Variants in STXBP5L observed in about 807,000 individuals in gnomAD.
STXBP5L encodes the protein syntaxin-binding protein 5-like.
In STXBP5L, 65 loss-of-function variants were observed where a neutral mutation model predicts 144.5. The observed-to-expected ratio is 0.45, with a 90% CI of 0.37 to 0.55. STXBP5L has a LOEUF of 0.55. STXBP5L is among the 20% of genes least tolerant of loss of function. The pLI is 0.00. For missense variants in STXBP5L, 1,298 were observed against 1,405.5 expected (o/e 0.92, Z 1.22); for synonymous variants, 505 against 469.6 (o/e 1.08, Z -0.97).
intron 3 of STXBP5L, among the ~76,000 whole-genome samples, chr3:120,976,385 G>A (rs953032796): frequency 6.6e-6 from 1 of 152,052 alleles, no homozygotes; most frequent in Admixed American, 6.6e-5. Flanking sequence ...GGGATTGGTG[G>A]TGATATCCCC....
chr3:121,093,714 A>C (rs1227893392), intron 5 of STXBP5L, among the ~76,000 whole-genome samples: 1 of 152,022 alleles, frequency 6.6e-6, no homozygotes, highest in Non-Finnish European at 1.5e-5. Context: ...TGATCCTTTC[A>C]AAAAACCAGC....
At chr3:121,381,781 G>C (rs543578137) in intron 22 of STXBP5L, among the ~76,000 whole-genome samples, 1 of 152,126 alleles carries the variant, frequency 6.6e-6, no homozygotes, top group East Asian at 1.9e-4. Flanking sequence ...ACAATGACAT[G>C]GGAAATAAGT....
At position 121,195,794 on chromosome 3, in the gene STXBP5L, A is replaced by C. The variant is rs567884374; in HGVS notation, c.878-10129A>C. On this transcript the variant is annotated intron_variant, in intron 9 of 26. Transcript: ENST00000471454. ...CTTTCCAATCCCTAATGATGCCATT[A>C]GGATGGGAGAATGGTGGAACCTGCA... is the stretch of plus-strand genomic sequence containing the variant. Among the ~76,000 whole-genome samples the C allele has an allele frequency of 6.2e-4, 95 of 152,294 alleles. 1 individual carries two copies. The South Asian group carries it at 0.019, about 30-fold the overall frequency.
At chr3:121,162,202 A>G (rs2046346126) in intron 9 of STXBP5L, among the ~76,000 whole-genome samples, 1 of 152,200 alleles carries the variant, frequency 6.6e-6, no homozygotes, top group African/African-American at 2.4e-5. Context: ...TATCATATGT[A>G]TGCATACTAA....
In STXBP5L at chr3:121,378,752, A is replaced by T; in HGVS notation, c.2213A>T (p.Gln738Leu). 2 of 1,613,710 alleles carry T rather than the reference A, an allele frequency of 1.2e-6. No individual in the cohort carries two copies. The highest frequency in any genetic ancestry group is 1.7e-6 in the Non-Finnish European group (2 of 1,179,808). The change falls in exon 21 of 27, where the codon CAG (glutamine) becomes CTG (leucine). Residue 738 changes from glutamine to leucine, a missense_variant. Coordinates refer to ENST00000471454, the MANE Select transcript of STXBP5L (RefSeq NM_001308330.2). ...VNGHCTSPTSQSCSSGKRLSS... is the reference protein window; with the variant it reads ...VNGHCTSPTSLSCSSGKRLSS... Reference sequence around the variant, plus strand: ...GGACACTGCACAAGTCCAACTTCTCAGAGTTGCAGTTCTGGAAAACGTCTT... The same window carrying T: ...GGACACTGCACAAGTCCAACTTCTCTGAGTTGCAGTTCTGGAAAACGTCTT...
At chr3:120,914,761 A>T (rs537703534) in intron 2 of STXBP5L, among the ~76,000 whole-genome samples, 4 of 152,300 alleles carry the variant, frequency 2.6e-5, no homozygotes, top group African/African-American at 9.6e-5. Flanking sequence ...CCTGTCACCA[A>T]AAAGCACAGT....
At chr3:121,155,691 A>G (rs765901281) in intron 8 of STXBP5L, among the ~76,000 whole-genome samples, 7 of 151,826 alleles carry the variant, frequency 4.6e-5, no homozygotes, top group Non-Finnish European at 1.0e-4. Flanking sequence ...ATATTTATCC[A>G]TCAAGTTAGA....
At chr3:120,932,828 A>G (rs1348104844) in intron 2 of STXBP5L, among the ~76,000 whole-genome samples, 1 of 152,132 alleles carries the variant, frequency 6.6e-6, no homozygotes, top group Non-Finnish European at 1.5e-5. Flanking sequence ...CTGGATTAAG[A>G]AAATGTGGCA....
intron 20 of STXBP5L, among the ~76,000 whole-genome samples, chr3:121,347,109 C>T (rs2045025205): frequency 2.0e-5 from 3 of 152,196 alleles, no homozygotes; most frequent in Middle Eastern, 3.4e-3. Flanking sequence ...GTCTTTAATC[C>T]ATCTTGAATT....
Position 121,254,928 on chromosome 3 carries a change from C to CA in STXBP5L, c.1479dup (p.Val494SerfsTer3). ...CAGATGCTGTACAAGCTAAAAACTT[C>CA]AAAAGTGTTTGAAAAACAGAAGGTA... On this transcript the variant is annotated frameshift_variant, in exon 16 of 27. Coordinates refer to ENST00000471454, the MANE Select transcript of STXBP5L (RefSeq NM_001308330.2). LOFTEE classifies it high-confidence loss of function. 1 of 1,613,250 alleles carries CA rather than the reference C, an allele frequency of 6.2e-7. No individual in the cohort carries two copies. The highest frequency in any genetic ancestry group is 8.5e-7 in the Non-Finnish European group (1 of 1,179,570).
chr3:120,914,728 G>C (rs1210125602), intron 2 of STXBP5L, among the ~76,000 whole-genome samples: 2 of 152,120 alleles, frequency 1.3e-5, no homozygotes, highest in Non-Finnish European at 2.9e-5. Flanking sequence ...GATTCCCTGA[G>C]ATGTGTGGAT....
intron 20 of STXBP5L, among the ~76,000 whole-genome samples, chr3:121,331,110 T>G (rs567418354): frequency 6.6e-6 from 1 of 151,896 alleles, no homozygotes; most frequent in African/African-American, 2.4e-5. Context: ...GAAGAGGGAG[T>G]GCACAACATT....
rs575343495 is a variant in STXBP5L, at chr3:121,212,823, A to T, written c.956+6822A>T. 3.3e-5 allele frequency among the ~76,000 whole-genome samples: 5 copies of T among 152,164 alleles called. No individual in the cohort carries two copies. In the South Asian group the frequency reaches 8.3e-4, roughly 25 times the overall value. On this transcript the variant is annotated intron_variant, in intron 10 of 26. Coordinates refer to ENST00000471454, the MANE Select transcript of STXBP5L (RefSeq NM_001308330.2). The stretch of plus-strand genomic sequence containing the variant: ...TTTGAGCAGTGTGGCCATTTTCGTG[A>T]TATTGATTCTTCCTATCCATTAGCA...
At chr3:121,172,803 C>A (rs1449485694) in intron 9 of STXBP5L, among the ~76,000 whole-genome samples, 4 of 152,166 alleles carry the variant, frequency 2.6e-5, no homozygotes, top group African/African-American at 9.7e-5. Flanking sequence ...CTAGAAATAC[C>A]ATTTAACTCA....
At chr3:121,342,319 T>C (rs2044743225) in intron 20 of STXBP5L, among the ~76,000 whole-genome samples, 1 of 152,148 alleles carries the variant, frequency 6.6e-6, no homozygotes, top group African/African-American at 2.4e-5. Context: ...GGCTGGCACA[T>C]AACATTAGGA....
At chr3:120,999,481 G>T (rs942917369) in intron 3 of STXBP5L, among the ~76,000 whole-genome samples, 4 of 152,132 alleles carry the variant, frequency 2.6e-5, no homozygotes, top group African/African-American at 9.7e-5. Flanking sequence ...CGTGACATTG[G>T]TCTCTCGAAG....
At chr3:121,163,631 A>C (rs1293359333) in intron 9 of STXBP5L, among the ~76,000 whole-genome samples, 1 of 152,238 alleles carries the variant, frequency 6.6e-6, no homozygotes, top group Non-Finnish European at 1.5e-5. Context: ...TTTTAAAATT[A>C]GATGAGCAAA....
At chr3:121,133,244 A>C (rs1489839384) in intron 7 of STXBP5L, among the ~76,000 whole-genome samples, 2 of 152,152 alleles carry the variant, frequency 1.3e-5, no homozygotes, top group African/African-American at 4.8e-5. Flanking sequence ...AAGCCTCTCA[A>C]ATCTGGGGAA....
chr3:121,301,632 C>A (rs1473646775), intron 19 of STXBP5L, among the ~76,000 whole-genome samples: 4 of 152,096 alleles, frequency 2.6e-5, no homozygotes, highest in African/African-American at 9.7e-5. Flanking sequence ...CCGGTTTTCA[C>A]AGGGAATGCT....
Sources: allele counts gnomAD v4.1 joint callset (sites outside exome capture counted in the v4.1 genomes callset), GRCh38; gene constraint gnomAD v4.1.1; transcripts MANE v1.5; gene names NCBI Gene and HGNC (gene_info 2026-07-23, HGNC 2026-07-21).